The following TXNDC11 variants were observed in gnomAD, a reference collection of about 807,000 sequenced individuals.
The protein encoded by TXNDC11 is thioredoxin domain containing 11.
Under a neutral mutation model 78.0 loss-of-function variants are expected in TXNDC11, and 68 were observed. The ratio of observed to expected loss-of-function variants is 0.87; its 90% CI spans 0.72 to 1.07. The LOEUF (loss-of-function observed/expected upper bound fraction) is 1.07. Ranked by LOEUF, TXNDC11 falls within the 50% of genes least tolerant of loss-of-function variation. The probability of loss-of-function intolerance (pLI) is 0.00; values close to 1 mark genes in which losing one functional copy is unlikely to be tolerated. For synonymous variants in TXNDC11, 571 were observed against 495.2 expected (o/e 1.15, Z -2.03); for missense variants, 1,389 against 1,221.8 (o/e 1.14, Z -2.04).
chr16:11,721,109 T>A (rs531062838), intron 5 of TXNDC11, among the ~76,000 whole-genome samples: 1 of 152,132 alleles, frequency 6.6e-6, no homozygotes, highest in Non-Finnish European at 1.5e-5. Context: ...TATTTCCTGT[T>A]TGCTAATGAT....
intron 2 of TXNDC11, among the ~76,000 whole-genome samples, chr16:11,734,425 T>TA (rs2052161182): frequency 6.6e-6 from 1 of 151,472 alleles, no homozygotes; most frequent in African/African-American, 2.4e-5. Context: ...AATTTTTTTT[T>TA]TAAAAAAAGC....
At chr16:11,721,158 G>A (rs997242784) in intron 5 of TXNDC11, among the ~76,000 whole-genome samples, 8 of 151,904 alleles carry the variant, frequency 5.3e-5, no homozygotes, top group Non-Finnish European at 8.8e-5. Flanking sequence ...ATACACTGAC[G>A]GCTGGGCGCA....
Position 11,737,206 on chromosome 16 carries a change from G to A in TXNDC11, c.255-973C>T, listed in dbSNP as rs541377802. 8.5e-5 allele frequency among the ~76,000 whole-genome samples: 13 copies of A among 152,266 alleles called. No individual in the cohort carries two copies. The East Asian group carries it at 1.7e-3, about 20-fold the overall frequency. On this transcript the variant is annotated intron_variant, in intron 1 of 11. Transcript: ENST00000283033. Reference sequence around the variant, plus strand: ...TCAGCCTGTAATTCCAGCACTTTGGGAGGCCGAGGCAGGCAAATCTCCTGA... The same window carrying A: ...TCAGCCTGTAATTCCAGCACTTTGGAAGGCCGAGGCAGGCAAATCTCCTGA...
chr16:11,711,926 G>T (rs2051373937), intron 5 of TXNDC11, among the ~76,000 whole-genome samples: 1 of 152,202 alleles, frequency 6.6e-6, no homozygotes, highest in Non-Finnish European at 1.5e-5. Flanking sequence ...AGCTTATCTG[G>T]TTCAACTGTA....
intron 4 of TXNDC11, among the ~76,000 whole-genome samples, chr16:11,725,916 C>T (rs1211032268): frequency 2.0e-5 from 3 of 152,240 alleles, no homozygotes; most frequent in East Asian, 1.9e-4. Flanking sequence ...CACTCTGTTG[C>T]CCAGGATGGA....
At chr16:11,723,005 G>A (rs1471423046) in intron 4 of TXNDC11, among the ~76,000 whole-genome samples, 3 of 152,038 alleles carry the variant, frequency 2.0e-5, no homozygotes, top group East Asian at 1.9e-4. Flanking sequence ...ACTTGTAATC[G>A]CAGCACTTTG....
Position 11,679,407 on chromosome 16 carries a change from T to C in TXNDC11, c.2665A>G (p.Thr889Ala). 6.2e-7 allele frequency: 1 copy of C among 1,613,148 alleles called. No homozygotes were observed. Residue 889 changes from threonine to alanine, a missense_variant, in exon 12 of 12, where the codon ACC becomes GCC. Thr to Ala is a moderately conservative substitution (Grantham distance 58). Transcript: ENST00000283033. The surrounding 1 kb of genome is among the most constrained non-coding windows in gnomAD (Gnocchi z 4.6). ...AGGATCTTGAGCCACGTGTTCTCGGTAAGGAGGTTTTCTGAGGCATCGGCC... is the reference window on the plus strand; with the variant it reads ...AGGATCTTGAGCCACGTGTTCTCGGCAAGGAGGTTTTCTGAGGCATCGGCC... ...ELADASENLL[T>A]ENTWLKILVA... is the part of the protein sequence containing the mutation.
chr16:11,693,094 A>G (rs2141995899), intron 7 of TXNDC11, among the ~76,000 whole-genome samples: 1 of 152,272 alleles, frequency 6.6e-6, no homozygotes, highest in South Asian at 2.1e-4. Context: ...CACAGGCAGA[A>G]GCCACATTGG....
intron 8 of TXNDC11, among the ~76,000 whole-genome samples, chr16:11,688,959 A>G (rs1370782678): frequency 3.3e-5 from 5 of 152,188 alleles, no homozygotes; most frequent in African/African-American, 9.7e-5. Context: ...AGAAAAAATT[A>G]TATGTAGTGG....
chr16:11,698,184 C>T lies in TXNDC11; in HGVS notation c.1048G>A (p.Ala350Thr). ...LLNNELKKGP[A>T]LFLFIPFNPL... is the part of the protein sequence containing the mutation. Reference sequence around the variant, plus strand: ...TTAAAAGGTATGAACAGAAACAGCGCTGGTCCTTTCTTCAGCTCGTTATTC... The same window carrying T: ...TTAAAAGGTATGAACAGAAACAGCGTTGGTCCTTTCTTCAGCTCGTTATTC... Residue 350 changes from alanine (A) to threonine (T), a missense_variant, in exon 7 of 12, where the codon GCG (alanine) becomes ACG (threonine). Ala to Thr is a moderately conservative substitution (Grantham distance 58). Coordinates refer to ENST00000283033, the MANE Select transcript of TXNDC11 (RefSeq NM_015914.7). 1.2e-6 allele frequency: 2 copies of T among 1,614,250 alleles called. No individual in the cohort carries two copies. Among genetic ancestry groups the T allele is most frequent in the South Asian group, 2.2e-5 (2 of 91,086 alleles).
At chr16:11,723,069 C>T (rs941933808) in intron 4 of TXNDC11, among the ~76,000 whole-genome samples, 1 of 151,936 alleles carries the variant, frequency 6.6e-6, no homozygotes, top group Admixed American at 6.6e-5. Flanking sequence ...CCAGCCTGGT[C>T]AACATGGTAA....
intron 4 of TXNDC11, among the ~76,000 whole-genome samples, chr16:11,729,496 G>A (rs919031939): frequency 2.0e-5 from 3 of 152,192 alleles, no homozygotes; most frequent in Non-Finnish European, 4.4e-5. Flanking sequence ...AAGCTATACT[G>A]ATGTTCTGGT....
intron 10 of TXNDC11, among the ~76,000 whole-genome samples, chr16:11,686,193 G>C (rs2050563651): frequency 6.6e-6 from 1 of 152,162 alleles, no homozygotes; most frequent in Non-Finnish European, 1.5e-5. Context: ...CCTGGCCTCA[G>C]GTGATCCGCC....
intron 5 of TXNDC11, among the ~76,000 whole-genome samples, chr16:11,717,043 A>C (rs903923979): frequency 1.3e-5 from 2 of 152,030 alleles, no homozygotes; most frequent in African/African-American, 4.8e-5. Context: ...GGGAGCATAA[A>C]GTGCTAAATA....
Position 11,742,480 on chromosome 16 carries a change from C to A in TXNDC11, c.251G>T (p.Cys84Phe). The change falls in exon 1 of 12, where the codon TGC becomes TTC. Residue 84 changes from cysteine (C) to phenylalanine (F), a missense_variant. Coordinates refer to ENST00000283033, the MANE Select transcript of TXNDC11 (RefSeq NM_015914.7). ...CALLLALKFTCSRAKDVIIPA... is the reference protein window; with the variant it reads ...CALLLALKFTFSRAKDVIIPA... ...CCCAGGGTCCGGGCCGCCTCACCTG[C>A]AGGTGAACTTGAGGGCGAGGAGCAG... The A allele has an allele frequency of 6.9e-7, 1 of 1,441,306 alleles. No individual in the cohort carries two copies. The allele number at this position is 1,441,306 out of a possible 1,614,324, so 89.3% of individuals were successfully genotyped here.
rs752794566 is a variant in TXNDC11 at position 11,692,676 on chromosome 16, G to C, written c.1108-594C>G. Among the ~76,000 whole-genome samples the C allele has an allele frequency of 7.2e-5, 11 of 152,278 alleles. No individual in the cohort carries two copies. The South Asian group carries it at 1.7e-3, about 23-fold the overall frequency. On this transcript the variant is annotated intron_variant, in intron 7 of 11. Transcript: ENST00000283033. ...AGGCATTCATTGGGGGTCTTGGAAC[G>C]TATCACCAAGAATACGCAGCAGGGT...
intron 8 of TXNDC11, chr16:11,691,059 G>A: frequency 1.8e-6 from 1 of 543,076 alleles, no homozygotes; most frequent in South Asian, 2.3e-5. Context: ...CCCCCACCAT[G>A]GGCTAAATGA....
intron 7 of TXNDC11, among the ~76,000 whole-genome samples, chr16:11,692,806 C>T (rs1056945784): frequency 2.6e-5 from 4 of 152,170 alleles, no homozygotes; most frequent in African/African-American, 4.8e-5. Flanking sequence ...AAAACCTCCA[C>T]ACAATCTGGC....
chr16:11,698,023 C>A (rs373966711), intron 7 of TXNDC11, 102 bp downstream of exon 7: 6 of 1,105,078 alleles, frequency 5.4e-6, no homozygotes, highest in Non-Finnish European at 8.0e-6. Context: ...CTCGTGGCAG[C>A]CATTAGCTGC....
Sources: allele counts gnomAD v4.1 joint callset (sites outside exome capture counted in the v4.1 genomes callset), GRCh38; gene constraint gnomAD v4.1.1; non-coding constraint Gnocchi (gnomAD v3.1); transcripts MANE v1.5; gene names NCBI Gene and HGNC (gene_info 2026-07-23, HGNC 2026-07-21).